DNAJC13: variants seen among roughly 807,000 people sequenced by gnomAD.
The protein encoded by DNAJC13 is dnaJ homolog subfamily C member 13.
In DNAJC13, 75 loss-of-function variants were observed where a neutral mutation model predicts 290.5. That is an observed-to-expected ratio of 0.26 (90% CI 0.21 to 0.31). The LOEUF is 0.31. Ranked by LOEUF, DNAJC13 falls within the 10% of genes least tolerant of loss-of-function variation. DNAJC13 has a pLI of 1.00. For synonymous variants in DNAJC13, 862 were observed against 892.0 expected (o/e 0.97, Z 0.60); for missense variants, 2,260 against 2,674.5 (o/e 0.85, Z 3.42).
chr3:132,532,927 T>TATTATTATTATTATTATTATC (rs1936463080), intron 55 of DNAJC13, among the ~76,000 whole-genome samples: 1 of 149,658 alleles, frequency 6.7e-6, no homozygotes, highest in South Asian at 2.1e-4. Flanking sequence ...TTATTATTAT[T>TATTATTATTATTATTATTATC]ATTATTATTT....
intron 44 of DNAJC13, among the ~76,000 whole-genome samples, chr3:132,511,539 CATATCAAGT>C (rs1935779411): frequency 6.6e-6 from 1 of 152,102 alleles, no homozygotes; most frequent in Non-Finnish European, 1.5e-5. Context: ...CTTAAGTTAA[CATATCAAGT>C]ATAAGTGCTT....
intron 2 of DNAJC13, among the ~76,000 whole-genome samples, chr3:132,441,736 T>A (rs1225865796): frequency 6.6e-6 from 1 of 152,244 alleles, no homozygotes; most frequent in Non-Finnish European, 1.5e-5. Context: ...TTTTGTAGTA[T>A]CTCTGTTGAC....
intron 45 of DNAJC13, 110 bp from the exon 46 acceptor site, chr3:132,514,461 A>G (rs542039694): frequency 9.1e-6 from 6 of 659,342 alleles, no homozygotes; most frequent in South Asian, 4.5e-5. Context: ...TAAAAACTAA[A>G]TGTTTCATCC....
At chr3:132,453,538 C>A in intron 7 of DNAJC13, 34 bp downstream of exon 7, 1 of 1,609,380 alleles carries the variant, frequency 6.2e-7, no homozygotes, top group Non-Finnish European at 8.5e-7. Context: ...AAAATTTGTT[C>A]ACCTGATTTT....
At chr3:132,524,944 T>C (rs562916036) in intron 51 of DNAJC13, among the ~76,000 whole-genome samples, 3 of 152,318 alleles carry the variant, frequency 2.0e-5, no homozygotes, top group African/African-American at 7.2e-5. Flanking sequence ...GGGAAAAACA[T>C]TTCACTAGTT....
chr3:132,490,072 A>T (rs867426563), intron 31 of DNAJC13, among the ~76,000 whole-genome samples: 1 of 152,336 alleles, frequency 6.6e-6, no homozygotes, highest in East Asian at 1.9e-4. Flanking sequence ...GAAGAATACA[A>T]CTAGCAATTC....
intron 2 of DNAJC13, among the ~76,000 whole-genome samples, chr3:132,443,980 C>T (rs1486462222): frequency 6.6e-6 from 1 of 152,180 alleles, no homozygotes; most frequent in Non-Finnish European, 1.5e-5. Context: ...AGCCACATTT[C>T]AAGTGCTCAA....
At chr3:132,503,115 T>C in intron 40 of DNAJC13, 99 bp from the exon 41 acceptor site, 2 of 1,284,778 alleles carry the variant, frequency 1.6e-6, no homozygotes, top group South Asian at 1.6e-5. Flanking sequence ...GACTTTTTAC[T>C]CCTTAAATAT....
chr3:132,471,154 C>G (rs1934230832), intron 20 of DNAJC13, among the ~76,000 whole-genome samples: 1 of 131,196 alleles, frequency 7.6e-6, no homozygotes, highest in African/African-American at 2.8e-5. Context: ...GGGTGGCTGG[C>G]CCGGCTGAGG....
chr3:132,427,135 T>A (rs79729684), intron 1 of DNAJC13, among the ~76,000 whole-genome samples: 26,838 of 92,680 alleles, frequency 0.29, 2,883 homozygotes, highest in East Asian at 0.57. Flanking sequence ...ATATATATAT[T>A]TTTTTTTTTT....
Sources: gnomAD v4.1 joint callset for allele counts (sites outside exome capture counted in the v4.1 genomes callset) on GRCh38, gnomAD v4.1.1 for gene constraint, MANE v1.5 for transcripts, NCBI Gene and HGNC (gene_info 2026-07-23, HGNC 2026-07-21) for gene names.